ATP8A1: variants seen among roughly 807,000 people sequenced by gnomAD.
ATP8A1 encodes the protein ATPase phospholipid transporting 8A1, also known as phospholipid-transporting ATPase IA.
Under a neutral mutation model 177.7 loss-of-function variants are expected in ATP8A1, and 90 were observed. The ratio of observed to expected loss-of-function variants is 0.51; its 90% CI spans 0.43 to 0.60. The LOEUF (loss-of-function observed/expected upper bound fraction) is 0.60, where lower values mean the gene tolerates loss of function less well. Among genes scored for constraint, ATP8A1 ranks in the 20% least tolerant of loss-of-function variants. The pLI, the probability that ATP8A1 is intolerant of heterozygous loss-of-function variation, is 0.00. For synonymous variants in ATP8A1, 493 were observed against 485.9 expected (o/e 1.01, Z -0.19); for missense variants, 1,072 against 1,392.8 (o/e 0.77, Z 3.67).
chr4:42,578,572 T>C (rs978555266), intron 11 of ATP8A1, among the ~76,000 whole-genome samples, 185 bp from the exon 12 acceptor site: 15 of 152,160 alleles, frequency 9.9e-5, no homozygotes, highest in Admixed American at 7.9e-4. Context: ...TTGTGTTCAA[T>C]ATGTTGTTAA....
Position 42,411,479 on chromosome 4 carries a change from G to A in ATP8A1, c.*1437C>T. Reference sequence around the variant, plus strand: ...AGGCAAATAGTTTGCTTCAATCTCTGAAGTGTATCTGAAAACTAATTCCTT... The same window carrying A: ...AGGCAAATAGTTTGCTTCAATCTCTAAAGTGTATCTGAAAACTAATTCCTT... On this transcript the variant is annotated 3_prime_UTR_variant, in exon 37 of 37. Coordinates refer to ENST00000381668, the MANE Select transcript of ATP8A1 (RefSeq NM_006095.2). 6.6e-6 allele frequency: 1 copy of A among 152,286 alleles called. No homozygotes were observed. Among genetic ancestry groups the A allele is most frequent in the East Asian group, 1.9e-4 (1 of 5,184 alleles). 9.4% of individuals were successfully genotyped at this position (152,286 alleles called of 1,614,324 possible).
chr4:42,460,869 A>C (rs35382680), intron 27 of ATP8A1, among the ~76,000 whole-genome samples: 23,350 of 152,252 alleles, frequency 0.15, 2,220 homozygotes, highest in South Asian at 0.24. Flanking sequence ...TGATCTGCAG[A>C]GCTCCAACAG....
At chr4:42,626,148 A>C (rs1461363005) in intron 2 of ATP8A1, 1 of 152,674 alleles carries the variant, frequency 6.5e-6, no homozygotes, top group East Asian at 1.9e-4. Context: ...GGATAATTTC[A>C]GGGAGATCTC....
chr4:42,607,718 A>G (rs1269547628), intron 5 of ATP8A1, among the ~76,000 whole-genome samples: 1 of 151,818 alleles, frequency 6.6e-6, no homozygotes, highest in Non-Finnish European at 1.5e-5. Flanking sequence ...AATTTTGTAC[A>G]TTTAGAATGT....
chr4:42,627,094 T>A lies in ATP8A1; in HGVS notation c.65A>T (p.Asp22Val), dbSNP rs1408190547. ...RSRAEGYEKT[D>V]DVSEKTSLAD... The stretch of plus-strand genomic sequence containing the variant: ...CAGTGAGGTCTTCTCTGAAACATCA[T>A]CTGTCTTCTCATAACCTTAAAAAGA... The change falls in exon 2 of 37, where the codon GAT becomes GTT. Residue 22 changes from aspartate (D) to valine (V), a missense_variant. Asp to Val is a radical substitution (Grantham distance 152). Coordinates refer to ENST00000381668, the MANE Select transcript of ATP8A1 (RefSeq NM_006095.2). 1.2e-6 allele frequency: 2 copies of A among 1,613,370 alleles called. No homozygotes were observed. The highest frequency in any genetic ancestry group is 1.7e-6 in the Non-Finnish European group (2 of 1,179,444).
chr4:42,519,283 A>T (rs143301912), intron 22 of ATP8A1, among the ~76,000 whole-genome samples: 2 of 152,018 alleles, frequency 1.3e-5, no homozygotes, highest in South Asian at 4.2e-4. Flanking sequence ...ACAGAGATGG[A>T]GTCTCCCCCT....
At chr4:42,439,085 G>A (rs1035757948) in intron 33 of ATP8A1, among the ~76,000 whole-genome samples, 3 of 152,148 alleles carry the variant, frequency 2.0e-5, no homozygotes, top group Non-Finnish European at 4.4e-5. Context: ...TCTGCATGAA[G>A]CTGAATATAG....
rs570154648 is a variant in ATP8A1, at chr4:42,409,603, C to T, written c.*3313G>A. On this transcript the variant is annotated 3_prime_UTR_variant, in exon 37 of 37. Coordinates refer to ENST00000381668, the MANE Select transcript of ATP8A1 (RefSeq NM_006095.2). ...TTATACACTTAATAGGTTTTAAAAC[C>T]AGGAACTATCAAAGGGCAACTGCAC... The T allele has an allele frequency of 6.6e-6, 1 of 152,076 alleles. No homozygotes were observed. The highest frequency in any genetic ancestry group is 1.5e-5 in the Non-Finnish European group (1 of 67,960). 9.4% of individuals were successfully genotyped at this position (152,076 alleles called of 1,614,324 possible).
chr4:42,646,434 G>T (rs1740543724), intron 1 of ATP8A1, among the ~76,000 whole-genome samples: 1 of 152,180 alleles, frequency 6.6e-6, no homozygotes, highest in Admixed American at 6.5e-5. Flanking sequence ...AAGGGACACG[G>T]GAAAAAGACG....
At chr4:42,567,563 C>T (rs113483099) in intron 15 of ATP8A1, among the ~76,000 whole-genome samples, 2,912 of 152,192 alleles carry the variant, frequency 0.019, 88 homozygotes, top group African/African-American at 0.066. Context: ...TTTACTGTAA[C>T]GGTAGTGAAA....
At chr4:42,616,180 G>T in intron 4 of ATP8A1, 102 bp from the exon 5 acceptor site, 1 of 1,002,450 alleles carries the variant, frequency 1.0e-6, no homozygotes, top group Non-Finnish European at 1.5e-6. Context: ...GTTTCTCAAG[G>T]TTTTTATCAT....
chr4:42,544,066 G>C, intron 19 of ATP8A1, 80 bp from the exon 20 acceptor site: 3 of 1,129,268 alleles, frequency 2.7e-6, no homozygotes, highest in Non-Finnish European at 3.9e-6. Context: ...CACATATTTT[G>C]ATATTCACAG....
intron 22 of ATP8A1, among the ~76,000 whole-genome samples, chr4:42,518,077 G>C (rs1725741430): frequency 6.6e-6 from 1 of 152,130 alleles, no homozygotes; most frequent in African/African-American, 2.4e-5. Flanking sequence ...GCTTATGCTA[G>C]GAGTTACACT....
At chr4:42,450,280 T>C (rs1349242466) in intron 30 of ATP8A1, among the ~76,000 whole-genome samples, 3 of 152,068 alleles carry the variant, frequency 2.0e-5, no homozygotes, top group Non-Finnish European at 2.9e-5. Context: ...TCCATAGAGA[T>C]AAAAAAAATG....
intron 15 of ATP8A1, among the ~76,000 whole-genome samples, chr4:42,563,095 A>G (rs1442085492): frequency 1.3e-5 from 2 of 152,354 alleles, no homozygotes; most frequent in East Asian, 3.9e-4. Context: ...TCAGAAGAAG[A>G]CAAGAAAATG....
chr4:42,592,686 TAGAG>T (rs1057492521), intron 6 of ATP8A1, among the ~76,000 whole-genome samples: 3 of 152,112 alleles, frequency 2.0e-5, no homozygotes, highest in African/African-American at 7.2e-5. Context: ...GTGAGCATCA[TAGAG>T]GGTACCTATA....
intron 24 of ATP8A1, among the ~76,000 whole-genome samples, chr4:42,488,711 T>C (rs1722451456): frequency 6.6e-6 from 1 of 152,142 alleles, no homozygotes. Context: ...TCTTGGTTTC[T>C]TTTGTTTCCC....
chr4:42,577,232 T>C (rs1009898363), intron 12 of ATP8A1, among the ~76,000 whole-genome samples: 14 of 152,238 alleles, frequency 9.2e-5, no homozygotes, highest in African/African-American at 3.4e-4. Flanking sequence ...TGAGTTACCC[T>C]ATTATTGCTA....
chr4:42,548,165 A>T (rs577852940), intron 19 of ATP8A1, among the ~76,000 whole-genome samples: 2 of 152,346 alleles, frequency 1.3e-5, no homozygotes, highest in South Asian at 4.1e-4. Context: ...CTTTCCTAAC[A>T]GATGGTAACT....
Sources: gnomAD v4.1 joint callset for allele counts (sites outside exome capture counted in the v4.1 genomes callset) on GRCh38, gnomAD v4.1.1 for gene constraint, MANE v1.5 for transcripts, NCBI Gene and HGNC (gene_info 2026-07-23, HGNC 2026-07-21) for gene names.